CAMKK2: variants seen among roughly 807,000 people sequenced by gnomAD.
The protein encoded by CAMKK2 is calcium/calmodulin-dependent protein kinase kinase 2.
In CAMKK2, 30 loss-of-function variants were observed where a neutral mutation model predicts 67.2. That is an observed-to-expected ratio of 0.45 (90% CI 0.33 to 0.61). The LOEUF (loss-of-function observed/expected upper bound fraction) is 0.61, where lower values mean the gene tolerates loss of function less well. CAMKK2 is among the 20% of genes least tolerant of loss of function. The pLI, the probability that CAMKK2 is intolerant of heterozygous loss-of-function variation, is 0.02. For synonymous variants in CAMKK2, 322 were observed against 326.2 expected, an observed-to-expected ratio of 0.99 and a Z score of 0.14; for missense variants, 643 against 802.0, an observed-to-expected ratio of 0.80 and a Z score of 2.39.
Position 121,285,241 on chromosome 12 carries a change from G to A in CAMKK2, c.-59-10656C>T, listed in dbSNP as rs975792415. ...TATGAGGCCGGGCGCAGTGGTTCAC[G>A]CCTGTAATCCCAGCACTTTGGGAGG... On this transcript the variant is annotated intron_variant, in intron 1 of 16. Transcript: ENST00000404169. The surrounding 1 kb of genome is among the most constrained non-coding windows in gnomAD (Gnocchi z 4.1). Among the ~76,000 whole-genome samples the A allele has an allele frequency of 1.3e-5, 2 of 152,210 alleles. No individual in the cohort carries two copies. Among genetic ancestry groups the A allele is most frequent in the Non-Finnish European group, 2.9e-5 (2 of 68,032 alleles).
At chr12:121,251,152 C>A (rs1890627210) in intron 11 of CAMKK2, among the ~76,000 whole-genome samples, 1 of 152,198 alleles carries the variant, frequency 6.6e-6, no homozygotes, top group Non-Finnish European at 1.5e-5. Flanking sequence ...TCATTAAGAG[C>A]AGTGACTTGA....
At chr12:121,241,024 C>T (rs553767341) in intron 16 of CAMKK2, among the ~76,000 whole-genome samples, 155 bp from the exon 17 acceptor site, 68 of 152,358 alleles carry the variant, frequency 4.5e-4, no homozygotes, top group African/African-American at 1.6e-3. Flanking sequence ...ATCCTCTCCC[C>T]TTTTCCTTGC....
intron 11 of CAMKK2, among the ~76,000 whole-genome samples, chr12:121,252,099 G>T (rs1890856936): frequency 6.9e-6 from 1 of 143,940 alleles, no homozygotes; most frequent in Non-Finnish European, 1.6e-5. Flanking sequence ...CAGAACTGCT[G>T]TCCTTGCCCT....
At chr12:121,273,965 T>A (rs3817189) in intron 2 of CAMKK2, 91 bp downstream of exon 2, 9 of 1,051,082 alleles carry the variant, frequency 8.6e-6, no homozygotes, top group South Asian at 7.5e-5. Flanking sequence ...CAGATCCTTC[T>A]GGGGGAGCCC....
At position 121,253,354 on chromosome 12, in the gene CAMKK2, C is replaced by T. The variant is rs112258647; in HGVS notation, c.1026G>A (p.Ala342=). The change falls in exon 10 of 17, where the codon GCG becomes GCA. Residue 342 remains alanine (A), a synonymous_variant. Coordinates refer to ENST00000404169, the MANE Select transcript of CAMKK2 (RefSeq NM_001270485.2). This position sits in a 1 kb window ranked among gnomAD's most constrained non-coding sequence, Gnocchi z 5.0. ...GCGTGCCCACGGTGTTGGAGAGGAG[C>T]GCGTCACTGCCCTTGAATTCATTGC... The part of the protein sequence containing the change: ...GVSNEFKGSD[A]LLSNTVGTPA... 41 of 1,614,140 alleles carry T rather than the reference C, an allele frequency of 2.5e-5. No homozygotes were observed. The highest frequency in any genetic ancestry group is 1.6e-4 in the African/African-American group (12 of 75,038).
At chr12:121,244,239 C>A in intron 16 of CAMKK2, 1 of 1,136,600 alleles carries the variant, frequency 8.8e-7, no homozygotes, top group South Asian at 1.3e-5. Context: ...GGGGGGCACC[C>A]ATGGGCCCTG....
At chr12:121,292,169 A>G (rs1438759507) in intron 1 of CAMKK2, among the ~76,000 whole-genome samples, 1 of 151,726 alleles carries the variant, frequency 6.6e-6, no homozygotes, top group Non-Finnish European at 1.5e-5. Context: ...TTTGTCGCCC[A>G]GGCAGGAGTG....
chr12:121,267,493 A>AT (rs767717414), intron 5 of CAMKK2, among the ~76,000 whole-genome samples: 3 of 141,048 alleles, frequency 2.1e-5, no homozygotes, highest in East Asian at 2.2e-4. Flanking sequence ...TCTATTGCAT[A>AT]TTTTTTTTTC....
intron 1 of CAMKK2, among the ~76,000 whole-genome samples, chr12:121,278,428 A>G (rs1309066811): frequency 6.6e-6 from 1 of 152,222 alleles, no homozygotes; most frequent in African/African-American, 2.4e-5. Flanking sequence ...TATTACTTCA[A>G]CAAACACCTG....
At chr12:121,251,577 C>T (rs1040875305) in intron 11 of CAMKK2, among the ~76,000 whole-genome samples, 1 of 152,092 alleles carries the variant, frequency 6.6e-6, no homozygotes, top group Admixed American at 6.6e-5. Flanking sequence ...TCCCAAATCC[C>T]AGCACTCTGG....
intron 9 of CAMKK2, among the ~76,000 whole-genome samples, chr12:121,254,155 C>T (rs1246390666): frequency 6.6e-6 from 1 of 152,114 alleles, no homozygotes; most frequent in Non-Finnish European, 1.5e-5. Flanking sequence ...ATGTGACAGG[C>T]AGGGATAAGA....
chr12:121,282,200 G>A (rs1376421073), intron 1 of CAMKK2, among the ~76,000 whole-genome samples: 1 of 152,074 alleles, frequency 6.6e-6, no homozygotes, highest in Non-Finnish European at 1.5e-5. Context: ...GCGGGAGAGT[G>A]GAGGCAACAG....
intron 1 of CAMKK2, among the ~76,000 whole-genome samples, chr12:121,277,892 G>A (rs774459880): frequency 4.3e-4 from 66 of 152,268 alleles, no homozygotes; most frequent in Admixed American, 2.7e-3. Context: ...ACTTGAACCC[G>A]GGAGGCACAG....
Position 121,253,552 on chromosome 12 carries a change from G to A in CAMKK2, c.908-80C>T. On this transcript the variant is annotated intron_variant, in intron 9 of 16. Transcript: ENST00000404169. This position sits in a 1 kb window ranked among gnomAD's most constrained non-coding sequence, Gnocchi z 5.0. ...CCTCTATGCGGCCACATGGCCTGGAGACACAGGCATGGCACCCCTCTGATG... is the reference window on the plus strand; with the variant it reads ...CCTCTATGCGGCCACATGGCCTGGAAACACAGGCATGGCACCCCTCTGATG... 3.3e-6 allele frequency: 4 copies of A among 1,220,068 alleles called. No homozygotes were observed. Among genetic ancestry groups the A allele is most frequent in the Non-Finnish European group, 4.8e-6 (4 of 827,178 alleles). The allele number at this position is 1,220,068 out of a possible 1,614,324, so 75.6% of individuals were successfully genotyped here.
Position 121,273,095 on chromosome 12 carries a change from C to T in CAMKK2, c.471+961G>A, listed in dbSNP as rs761293476. 3.9e-5 allele frequency among the ~76,000 whole-genome samples: 6 copies of T among 152,210 alleles called. No homozygotes were observed. The South Asian group carries it at 1.0e-3, about 26-fold the overall frequency. On this transcript the variant is annotated intron_variant, in intron 2 of 16. Coordinates refer to ENST00000404169, the MANE Select transcript of CAMKK2 (RefSeq NM_001270485.2). ...GACAGGCAATAAACAACTAAACCAACGCACAGATAATCAGATGCTGATTAA... is the reference window on the plus strand; with the variant it reads ...GACAGGCAATAAACAACTAAACCAATGCACAGATAATCAGATGCTGATTAA...
intron 14 of CAMKK2, among the ~76,000 whole-genome samples, chr12:121,247,843 C>CTTG: frequency 6.6e-6 from 1 of 152,144 alleles, no homozygotes; most frequent in Admixed American, 6.5e-5. Context: ...TCCCAGAGCC[C>CTTG]AGGGGCCCGC....
At position 121,242,437 on chromosome 12, in the gene CAMKK2, A is replaced by G. The variant is rs370987060; in HGVS notation, c.1597-1568T>C. ...GACAGGAGGCAGCCCCGGTTTGGCA[A>G]ACCCTAAAATGGAGATTGAGAGGAG... is the stretch of plus-strand genomic sequence containing the variant. On this transcript the variant is annotated intron_variant, in intron 16 of 16. Transcript: ENST00000404169. Among the ~76,000 whole-genome samples, 134 of 152,298 alleles carry G rather than the reference A, an allele frequency of 8.8e-4. No homozygotes were observed. In the South Asian group the frequency reaches 0.016, roughly 19 times the overall value.
At chr12:121,250,294 T>C (rs1890416929) in intron 11 of CAMKK2, among the ~76,000 whole-genome samples, 1 of 152,178 alleles carries the variant, frequency 6.6e-6, no homozygotes, top group African/African-American at 2.4e-5. Flanking sequence ...GCTCCCTCTG[T>C]AGCTGGGCCT....
chr12:121,242,843 C>T lies in CAMKK2; in HGVS notation c.1596+1730G>A, dbSNP rs1055492084. Among the ~76,000 whole-genome samples the T allele has an allele frequency of 5.3e-5, 8 of 151,972 alleles. No homozygotes were observed. The East Asian group carries it at 1.2e-3, about 22-fold the overall frequency. ...CTGCAAGCTCCGCCTCCCGGGTTCA[C>T]GCCATTCTCCTGCCTCAGCCTCCCG... On this transcript the variant is annotated intron_variant, in intron 16 of 16. Coordinates refer to ENST00000404169, the MANE Select transcript of CAMKK2 (RefSeq NM_001270485.2).
Sources: allele counts gnomAD v4.1 joint callset (sites outside exome capture counted in the v4.1 genomes callset), GRCh38; gene constraint gnomAD v4.1.1; non-coding constraint Gnocchi (gnomAD v3.1); transcripts MANE v1.5; gene names NCBI Gene and HGNC (gene_info 2026-07-23, HGNC 2026-07-21).